Variants in AATF observed in about 807,000 individuals in gnomAD.
The protein encoded by AATF is protein AATF.
Under a neutral mutation model 63.7 loss-of-function variants are expected in AATF, and 48 were observed. That is an observed-to-expected ratio of 0.75 (90% CI 0.60 to 0.96). The LOEUF is 0.96. Ranked by LOEUF, AATF falls within the 40% of genes least tolerant of loss-of-function variation. The pLI is 0.00. For missense variants in AATF, 639 were observed against 685.7 expected (o/e 0.93, Z 0.76); for synonymous variants, 258 against 247.7 (o/e 1.04, Z -0.39).
At chr17:37,004,568 G>A (rs1406369915) in intron 8 of AATF, among the ~76,000 whole-genome samples, 1 of 152,150 alleles carries the variant, frequency 6.6e-6, no homozygotes, top group Non-Finnish European at 1.5e-5. Flanking sequence ...AGGGGTTGGT[G>A]TGATGGATAG....
Position 36,989,283 on chromosome 17 carries a change from A to G in AATF, c.1186A>G (p.Ile396Val). Residue 396 changes from isoleucine (I) to valine (V), a missense_variant, in exon 7 of 12, where the codon ATC becomes GTC. Transcript: ENST00000619387. ...CTTTGAACGCTCAATCTTGACTCAG[A>G]TCGACCATATTCTGATGGACAAAGA... ...GAFERSILTQIDHILMDKERL... is the reference protein window; with the variant it reads ...GAFERSILTQVDHILMDKERL... 6.2e-7 allele frequency: 1 copy of G among 1,613,838 alleles called. No homozygotes were observed. Among genetic ancestry groups the G allele is most frequent in the Non-Finnish European group, 8.5e-7 (1 of 1,179,858 alleles).
chr17:37,001,135 A>G (rs2142263118), intron 8 of AATF, among the ~76,000 whole-genome samples: 1 of 152,194 alleles, frequency 6.6e-6, no homozygotes, highest in Admixed American at 6.5e-5. Context: ...TCTAGGCAAC[A>G]TAGGGAGACC....
intron 8 of AATF, among the ~76,000 whole-genome samples, chr17:37,000,901 A>G (rs910605080): frequency 4.6e-5 from 7 of 152,118 alleles, no homozygotes; most frequent in African/African-American, 1.7e-4. Flanking sequence ...GCAGTGAGCT[A>G]TGATCATACC....
chr17:37,015,067 T>G (rs2071419304), intron 8 of AATF, among the ~76,000 whole-genome samples: 1 of 152,216 alleles, frequency 6.6e-6, no homozygotes, highest in African/African-American at 2.4e-5. Context: ...GAGTCTCTTT[T>G]CTATTTGTTT....
At chr17:37,020,613 T>G (rs371567013) in intron 9 of AATF, among the ~76,000 whole-genome samples, 7 of 152,142 alleles carry the variant, frequency 4.6e-5, no homozygotes, top group East Asian at 1.9e-4. Context: ...GCTAAAACAT[T>G]AAAAGAAAAC....
At chr17:36,990,722 A>T in intron 7 of AATF, 52 bp from the exon 8 acceptor site, 2 of 1,064,278 alleles carry the variant, frequency 1.9e-6, no homozygotes, top group Non-Finnish European at 2.8e-6. Context: ...TAGCTACATT[A>T]GTTAGATAGC....
chr17:37,046,730 A>ACACAC (rs71368439), intron 11 of AATF, among the ~76,000 whole-genome samples: 11 of 140,056 alleles, frequency 7.9e-5, no homozygotes, highest in African/African-American at 2.4e-4. Flanking sequence ...GTGCTCCCCC[A>ACACAC]ACACACACAC....
At chr17:36,962,764 A>G (rs1388655864) in intron 4 of AATF, among the ~76,000 whole-genome samples, 1 of 152,140 alleles carries the variant, frequency 6.6e-6, no homozygotes. Flanking sequence ...TCATTGCACA[A>G]TGGAACCTCT....
At chr17:36,994,585 T>C (rs1438917024) in intron 8 of AATF, among the ~76,000 whole-genome samples, 1 of 152,224 alleles carries the variant, frequency 6.6e-6, no homozygotes, top group African/African-American at 2.4e-5. Flanking sequence ...GCCTATTTCT[T>C]GTCAAAGCGC....
intron 8 of AATF, among the ~76,000 whole-genome samples, chr17:37,014,267 G>GTAATAATAATAATAATAATAATAA (rs71368437): frequency 2.8e-5 from 4 of 145,064 alleles, no homozygotes; most frequent in African/African-American, 1.0e-4. Context: ...GACTGTCTTA[G>GTAATAATAATAATAATAATAATAA]TAATAATAAT....
intron 8 of AATF, among the ~76,000 whole-genome samples, chr17:37,010,284 C>G (rs1383125026): frequency 1.3e-5 from 2 of 152,078 alleles, no homozygotes; most frequent in Non-Finnish European, 2.9e-5. Flanking sequence ...GAAACCCTGT[C>G]CCTACTAAAA....
chr17:36,959,378 GGTT>G (rs2070928160), intron 4 of AATF, among the ~76,000 whole-genome samples: 1 of 152,204 alleles, frequency 6.6e-6, no homozygotes, highest in African/African-American at 2.4e-5. Context: ...AGGAGGCAGA[GGTT>G]ACAGTGAGCA....
At chr17:37,002,903 G>GTTTTTTTT (rs35926577) in intron 8 of AATF, among the ~76,000 whole-genome samples, 2 of 99,194 alleles carry the variant, frequency 2.0e-5, no homozygotes, top group African/African-American at 7.8e-5. Context: ...TCCTGTTGCT[G>GTTTTTTTT]TTTTTTTTTT....
At chr17:36,979,259 T>C (rs1567971628) in intron 4 of AATF, among the ~76,000 whole-genome samples, 1 of 152,194 alleles carries the variant, frequency 6.6e-6, no homozygotes, top group African/African-American at 2.4e-5. Flanking sequence ...TTGATTAAAG[T>C]TGAAGACAGT....
chr17:36,990,049 T>C (rs2071201324), intron 7 of AATF, among the ~76,000 whole-genome samples: 1 of 120,388 alleles, frequency 8.3e-6, no homozygotes, highest in South Asian at 2.5e-4. Flanking sequence ...AACAAGTTTT[T>C]GGGTCTTTTC....
intron 4 of AATF, chr17:36,980,068 A>G (rs1199651873): frequency 6.6e-6 from 1 of 152,160 alleles, no homozygotes; most frequent in Non-Finnish European, 1.5e-5. Flanking sequence ...AAATTCTAAA[A>G]TGCCTTAATA....
At chr17:37,025,947 C>T (rs1048504196) in intron 10 of AATF, among the ~76,000 whole-genome samples, 10 of 152,158 alleles carry the variant, frequency 6.6e-5, no homozygotes, top group Non-Finnish European at 1.5e-4. Flanking sequence ...AACATAGTGG[C>T]TTTGCAATAA....
At chr17:37,009,818 C>T (rs963488054) in intron 8 of AATF, among the ~76,000 whole-genome samples, 9 of 84,450 alleles carry the variant, frequency 1.1e-4, no homozygotes, top group Non-Finnish European at 2.0e-4. Flanking sequence ...AGCGAGACTC[C>T]GTCTCAAAAA....
chr17:37,024,240 G>A (rs2142292883), intron 10 of AATF, among the ~76,000 whole-genome samples: 2 of 152,276 alleles, frequency 1.3e-5, no homozygotes, highest in South Asian at 2.1e-4. Flanking sequence ...GATGCAGACT[G>A]CTCAGGAAGA....
Sources: gnomAD v4.1 joint callset for allele counts (sites outside exome capture counted in the v4.1 genomes callset) on GRCh38, gnomAD v4.1.1 for gene constraint, MANE v1.5 for transcripts, NCBI Gene and HGNC (gene_info 2026-07-23, HGNC 2026-07-21) for gene names.